The following PTGES2 variants were observed in gnomAD, a reference collection of about 807,000 sequenced individuals.
PTGES2 encodes the protein prostaglandin E synthase 2, also known as GATE-binding factor 1.
Under a neutral mutation model 44.5 loss-of-function variants are expected in PTGES2, and 35 were observed. That is an observed-to-expected ratio of 0.79 (90% CI 0.60 to 1.04). The LOEUF is 1.04. Ranked by LOEUF, PTGES2 falls within the 50% of genes least tolerant of loss-of-function variation. The pLI is 0.00. For synonymous variants in PTGES2, 221 were observed against 227.5 expected, an observed-to-expected ratio of 0.97 and a Z score of 0.26; for missense variants, 517 against 521.4, an observed-to-expected ratio of 0.99 and a Z score of 0.08.
At chr9:128,127,963 T>G, upstream of PTGES2, 1 of 449,272 alleles carries the variant, frequency 2.2e-6, no homozygotes, top group Non-Finnish European at 3.9e-6. Context: ...CAAAGGCTCT[T>G]GGGTAGTGAC....
chr9:128,124,955 C>T (rs982544272), intron 2 of PTGES2: 13 of 967,264 alleles, frequency 1.3e-5, no homozygotes, highest in Admixed American at 6.8e-5. Flanking sequence ...AGTCACACAG[C>T]TAGTGAGTGG....
At position 128,120,961 on chromosome 9, in the gene PTGES2, G is replaced by A. The variant is rs979891580; in HGVS notation, c.*184C>T. 4.8e-5 allele frequency: 36 copies of A among 747,664 alleles called. No homozygotes were observed. Among genetic ancestry groups the A allele is most frequent in the Admixed American group, 8.9e-5 (3 of 33,602 alleles). The allele number at this position is 747,664 out of a possible 1,614,324, so 46.3% of individuals were successfully genotyped here. A position where few individuals can be genotyped will look rare whatever the true frequency, so the allele number is the denominator to read the frequency against. ...CAGGGCAGTGGCAGGGCTGGAACTC[G>A]TCCCTAACATCCCTGAGCCCCAGCA... is the stretch of plus-strand genomic sequence containing the variant. On this transcript the variant is annotated 3_prime_UTR_variant, in exon 7 of 7. Coordinates refer to ENST00000338961, the MANE Select transcript of PTGES2 (RefSeq NM_025072.7).
rs997315796 is a variant in PTGES2, at chr9:128,121,057, A to G, written c.*88T>C. On this transcript the variant is annotated 3_prime_UTR_variant, in exon 7 of 7. Transcript: ENST00000338961. ...AAGGGGCAGAATGATCCTGCCCCCA[A>G]CCAGTATCGCCAGGCGCTGGCCCAG... 16 of 1,502,060 alleles carry G rather than the reference A, an allele frequency of 1.1e-5. No individual in the cohort carries two copies. In the African/African-American group the frequency reaches 2.2e-4, roughly 21 times the overall value. The allele number at this position is 1,502,060 out of a possible 1,614,324, so 93.0% of individuals were successfully genotyped here. A position where few individuals can be genotyped will look rare whatever the true frequency, so the allele number is the denominator to read the frequency against.
Position 128,123,218 on chromosome 9 carries a change from C to G in PTGES2, c.687-84G>C. On this transcript the variant is annotated intron_variant, in intron 4 of 6. Transcript: ENST00000338961. The surrounding 1 kb of genome is among the most constrained non-coding windows in gnomAD (Gnocchi z 4.4). ...CATTCTCTAGAACATACCCACTGCA[C>G]GGGCGGGAAGCTGAAGCCTGAGCAG... The G allele has an allele frequency of 7.6e-7, 1 of 1,318,432 alleles. No individual in the cohort carries two copies. The highest frequency in any genetic ancestry group is 1.1e-6 in the Non-Finnish European group (1 of 949,454). 81.7% of individuals were successfully genotyped at this position (1,318,432 alleles called of 1,614,324 possible).
In PTGES2 at chr9:128,123,855, C is replaced by T. The variant is rs1252143573; in HGVS notation, c.537-4G>A. 9.9e-6 allele frequency: 16 copies of T among 1,612,050 alleles called. No homozygotes were observed. The highest frequency in any genetic ancestry group is 1.2e-5 in the Non-Finnish European group (14 of 1,178,500). On this transcript the variant is annotated splice_region_variant and splice_polypyrimidine_tract_variant and intron_variant, in intron 3 of 6. Transcript: ENST00000338961. The surrounding 1 kb of genome is among the most constrained non-coding windows in gnomAD (Gnocchi z 4.4). ...GATGATCTCTTCCAGGGGCTGCCTT[C>T]GGAGAGAGCCACAATATCACCCCAA...
rs199591278 is a variant in PTGES2 at position 128,122,917 on chromosome 9, T to C, written c.887+17A>G. ...AGGCTCGGGGACAGCAGGCCCCGGA[T>C]GTGCACACACACTTGCCTGCTCTTG... is the stretch of plus-strand genomic sequence containing the variant. On this transcript the variant is annotated intron_variant, in intron 5 of 6. Coordinates refer to ENST00000338961, the MANE Select transcript of PTGES2 (RefSeq NM_025072.7). The C allele has an allele frequency of 3.0e-5, 48 of 1,613,180 alleles. No individual in the cohort carries two copies. Among genetic ancestry groups the C allele is most frequent in the Non-Finnish European group, 3.9e-5 (46 of 1,179,488 alleles).
rs1215081447 is a variant in PTGES2, at chr9:128,123,782, C to A, written c.606G>T (p.Val202=). 1 of 1,614,150 alleles carries A rather than the reference C, an allele frequency of 6.2e-7. No individual in the cohort carries two copies. The change falls in exon 4 of 7, where the codon GTG becomes GTT. Residue 202 remains valine (V), a synonymous_variant. Coordinates refer to ENST00000338961, the MANE Select transcript of PTGES2 (RefSeq NM_025072.7). The surrounding 1 kb of genome is among the most constrained non-coding windows in gnomAD (Gnocchi z 4.4). ...GCCAGTACTTATTGCCGAACTCGGT[C>A]ACCTCCTTGCCCTGCTCGTTCACAG... The part of the protein sequence containing the change: ...MKAVNEQGKE[V]TEFGNKYWLM...
chr9:128,126,646 G>A (rs1214063098), intron 1 of PTGES2, among the ~76,000 whole-genome samples: 1 of 152,002 alleles, frequency 6.6e-6, no homozygotes, highest in Non-Finnish European at 1.5e-5. Flanking sequence ...CTCATTTGAG[G>A]TCAGGAGTTC....
At chr9:128,125,503 C>T in intron 1 of PTGES2, 62 bp from the exon 2 acceptor site, 1 of 1,523,858 alleles carries the variant, frequency 6.6e-7, no homozygotes. Flanking sequence ...GCCCTGCCCC[C>T]AAGGGTGTTT....
intron 5 of PTGES2, 30 bp from the exon 6 acceptor site, chr9:128,122,509 G>T: frequency 6.3e-7 from 1 of 1,591,910 alleles, no homozygotes; most frequent in Admixed American, 1.7e-5. Context: ...GCCCCTCAGG[G>T]GAGCCCCCAC....
chr9:128,122,974 C>T lies in PTGES2; in HGVS notation c.847G>A (p.Ala283Thr), dbSNP rs1174508801. The T allele has an allele frequency of 5.6e-6, 9 of 1,614,054 alleles. No homozygotes were observed. Among genetic ancestry groups the T allele is most frequent in the African/African-American group, 1.3e-5 (1 of 75,038 alleles). The change falls in exon 5 of 7, where the codon GCA (alanine) becomes ACA (threonine). Residue 283 changes from alanine to threonine, a missense_variant. Coordinates refer to ENST00000338961, the MANE Select transcript of PTGES2 (RefSeq NM_025072.7). ...VEGAVAKYMG[A>T]AAMYLISKRL... Reference sequence around the variant, plus strand: ...TTGCTGATGAGGTACATGGCCGCTGCACCCATGTACTTGGCCACGGCACCC... The same window carrying T: ...TTGCTGATGAGGTACATGGCCGCTGTACCCATGTACTTGGCCACGGCACCC...
intron 2 of PTGES2, chr9:128,124,919 G>T: frequency 8.1e-7 from 1 of 1,230,626 alleles, no homozygotes; most frequent in Non-Finnish European, 1.0e-6. Context: ...GCAAGCAAGC[G>T]CAGAGAGGCT....
Position 128,125,033 on chromosome 9 carries a change from T to G in PTGES2, c.477+211A>C, listed in dbSNP as rs80106378. ...TGTTGTTAAGCTGTGGTGTTCTGCC[T>G]CCCTGAGACCCAGCAGGTGTTTGGT... On this transcript the variant is annotated intron_variant, in intron 2 of 6. Coordinates refer to ENST00000338961, the MANE Select transcript of PTGES2 (RefSeq NM_025072.7). Among the ~76,000 whole-genome samples, 8 of 152,320 alleles carry G rather than the reference T, an allele frequency of 5.3e-5. No individual in the cohort carries two copies. In the East Asian group the frequency reaches 1.3e-3, roughly 26 times the overall value.
chr9:128,125,228 G>A lies in PTGES2; in HGVS notation c.477+16C>T, dbSNP rs148357420. On this transcript the variant is annotated intron_variant, in intron 2 of 6. Transcript: ENST00000338961. ...CAGGAAAGGAGGAAGGATGCAGGGG[G>A]TTCCCTGGGGCTCACCGAGCTTTCT... 2,804 of 1,558,614 alleles carry A rather than the reference G, an allele frequency of 1.8e-3. 63 individuals carry two copies. The East Asian group carries it at 0.052, about 29-fold the overall frequency.
upstream of PTGES2, chr9:128,127,852 C>T (rs540119041): frequency 1.0e-5 from 9 of 900,788 alleles, no homozygotes; most frequent in Non-Finnish European, 1.3e-5. Context: ...CCTCAGCGCT[C>T]TCGGGACTGG....
At chr9:128,127,974 C>G (rs1326009651), upstream of PTGES2, 2 of 445,262 alleles carry the variant, frequency 4.5e-6, no homozygotes, top group African/African-American at 2.1e-5. Context: ...GGGTAGTGAC[C>G]CGGCCGACTG....
upstream of PTGES2, chr9:128,128,119 C>A: frequency 5.4e-6 from 2 of 368,104 alleles, no homozygotes; most frequent in South Asian, 4.1e-5. Context: ...TCAGTACAGG[C>A]GCCGCGACTT....
chr9:128,124,903 C>T, intron 2 of PTGES2: 1 of 1,253,364 alleles, frequency 8.0e-7, no homozygotes, highest in Non-Finnish European at 1.0e-6. Context: ...CTTGTTGACT[C>T]ATGAAGCAAG....
rs750102736 is a variant in PTGES2, at chr9:128,122,378, G to A, written c.989C>T (p.Pro330Leu). The A allele has an allele frequency of 3.7e-6, 6 of 1,614,012 alleles. No homozygotes were observed. The highest frequency in any genetic ancestry group is 4.2e-6 in the Non-Finnish European group (5 of 1,179,910). ...KDRPFMGGQK[P>L]NLADLAVYGV... ...CACACTCACCAAATCAGCGAGATTC[G>A]GCTTCTGGCCCCCCATGAAGGGCCG... The change falls in exon 6 of 7, where the codon CCG becomes CTG. Residue 330 changes from proline to leucine, a missense_variant. Transcript: ENST00000338961.
Sources: gnomAD v4.1 joint callset for allele counts (sites outside exome capture counted in the v4.1 genomes callset) on GRCh38, gnomAD v4.1.1 for gene constraint, Gnocchi (gnomAD v3.1) non-coding constraint, MANE v1.5 for transcripts, NCBI Gene and HGNC (gene_info 2026-07-23, HGNC 2026-07-21) for gene names.